Variants in EXT2 observed in about 807,000 individuals in gnomAD.
The protein encoded by EXT2 is exostosin-2.
In EXT2, 53 loss-of-function variants were observed where a neutral mutation model predicts 81.6. The observed-to-expected ratio is 0.65, with a 90% CI of 0.52 to 0.82. EXT2 has a LOEUF of 0.82. Among genes scored for constraint, EXT2 ranks in the 40% least tolerant of loss-of-function variants. The pLI, the probability that EXT2 is intolerant of heterozygous loss-of-function variation, is 0.00. For synonymous variants in EXT2, 320 were observed against 340.0 expected, an observed-to-expected ratio of 0.94 and a Z score of 0.65; for missense variants, 774 against 910.2, an observed-to-expected ratio of 0.85 and a Z score of 1.93.
At chr11:44,227,005 G>T (rs1955844901) in intron 10 of EXT2, among the ~76,000 whole-genome samples, 1 of 152,166 alleles carries the variant, frequency 6.6e-6, no homozygotes, top group African/African-American at 2.4e-5. Flanking sequence ...CTGATACATT[G>T]CTCACCCAGT....
chr11:44,243,136 C>T (rs1445699334), intron 13 of EXT2, among the ~76,000 whole-genome samples: 2 of 152,160 alleles, frequency 1.3e-5, no homozygotes, highest in Non-Finnish European at 2.9e-5. Flanking sequence ...TTGTAGTGCT[C>T]TCAGATGTCC....
intron 4 of EXT2, among the ~76,000 whole-genome samples, chr11:44,123,082 T>C (rs953475837): frequency 3.9e-5 from 6 of 152,162 alleles, no homozygotes; most frequent in Non-Finnish European, 8.8e-5. Context: ...GTTGCTCTTT[T>C]CTCTGGGTTT....
chr11:44,160,690 T>G (rs1415958946), intron 7 of EXT2, among the ~76,000 whole-genome samples: 3 of 152,208 alleles, frequency 2.0e-5, no homozygotes, highest in African/African-American at 7.2e-5. Flanking sequence ...AAGAATAATC[T>G]GGACTGTGAG....
intron 8 of EXT2, among the ~76,000 whole-genome samples, chr11:44,178,634 A>G (rs995099097): frequency 2.0e-5 from 3 of 152,200 alleles, no homozygotes; most frequent in African/African-American, 7.2e-5. Context: ...CGGATGTATG[A>G]AGCAGAACTC....
intron 1 of EXT2, among the ~76,000 whole-genome samples, chr11:44,097,806 A>G (rs1953923259): frequency 6.6e-6 from 1 of 151,660 alleles, no homozygotes; most frequent in Non-Finnish European, 1.5e-5. Flanking sequence ...ATAAAATAAA[A>G]ATAAAAAGGT....
At chr11:44,119,147 T>TATATATATAC (rs1565201186) in intron 4 of EXT2, among the ~76,000 whole-genome samples, 46 of 49,368 alleles carry the variant, frequency 9.3e-4, no homozygotes, top group Middle Eastern at 9.6e-3. Flanking sequence ...TATATATATA[T>TATATATATAC]ATATATATAT....
At chr11:44,225,185 CTTA>C (rs1368466907) in intron 10 of EXT2, among the ~76,000 whole-genome samples, 1 of 152,200 alleles carries the variant, frequency 6.6e-6, no homozygotes, top group East Asian at 1.9e-4. Flanking sequence ...TCCTTCCCTT[CTTA>C]TTATCTCCCA....
intron 7 of EXT2, among the ~76,000 whole-genome samples, chr11:44,165,841 A>G (rs1489920127): frequency 6.6e-6 from 1 of 152,192 alleles, no homozygotes; most frequent in African/African-American, 2.4e-5. Flanking sequence ...GTGATTTTCT[A>G]AAACTTGCTA....
intron 7 of EXT2, among the ~76,000 whole-genome samples, chr11:44,133,318 T>C (rs1954520762): frequency 6.6e-6 from 1 of 152,264 alleles, no homozygotes; most frequent in African/African-American, 2.4e-5. Context: ...TGAAAAGTTC[T>C]TATACCTTAG....
chr11:44,164,721 T>C (rs934215459), intron 7 of EXT2, among the ~76,000 whole-genome samples: 9 of 152,338 alleles, frequency 5.9e-5, no homozygotes, highest in African/African-American at 2.2e-4. Flanking sequence ...ACAAAATCAC[T>C]GTGGAATCTG....
chr11:44,235,014 C>T lies in EXT2; in HGVS notation c.1935+771C>T, dbSNP rs191842500. Among the ~76,000 whole-genome samples the T allele has an allele frequency of 7.5e-4, 114 of 152,196 alleles. 3 individuals are homozygous for T. Among genetic ancestry groups the T allele is most frequent in the Admixed American group, 7.3e-3 (112 of 15,276 alleles). ...CATGGTACAGCATTATCCATTGATT[C>T]CTTATGCTATTAATTGATAAGAGAA... is the stretch of plus-strand genomic sequence containing the variant. On this transcript the variant is annotated intron_variant, in intron 12 of 13. Coordinates refer to ENST00000533608, the MANE Select transcript of EXT2 (RefSeq NM_207122.2).
chr11:44,124,963 C>G lies in EXT2; in HGVS notation c.918C>G (p.Phe306Leu), dbSNP rs35436405. 1 of 1,613,034 alleles carries G rather than the reference C, an allele frequency of 6.2e-7. No individual in the cohort carries two copies. Among genetic ancestry groups the G allele is most frequent in the Non-Finnish European group, 8.5e-7 (1 of 1,180,014 alleles). Residue 306 changes from phenylalanine (F) to leucine (L), a missense_variant, in exon 5 of 14, where the codon TTC becomes TTG. Transcript: ENST00000533608. ...AGCGCTGCCACAAGCACCAGGTCTT[C>G]GATTACCCACAGGTGCTACAGGTGA... ...VRKRCHKHQV[F>L]DYPQVLQEAT...
intron 7 of EXT2, among the ~76,000 whole-genome samples, chr11:44,162,228 C>T (rs1954936674): frequency 6.6e-6 from 1 of 152,160 alleles, no homozygotes; most frequent in African/African-American, 2.4e-5. Flanking sequence ...AACTCTCTGG[C>T]TACTATTGCA....
intron 9 of EXT2, among the ~76,000 whole-genome samples, chr11:44,200,246 T>C (rs907885414): frequency 5.3e-5 from 8 of 151,446 alleles, no homozygotes; most frequent in Admixed American, 1.3e-4. Context: ...AATATTGTGG[T>C]TACCATGTCT....
chr11:44,173,234 C>T (rs1206183063), intron 8 of EXT2, among the ~76,000 whole-genome samples: 1 of 152,070 alleles, frequency 6.6e-6, no homozygotes, highest in Non-Finnish European at 1.5e-5. Flanking sequence ...TCAGTATGTG[C>T]GTATGGTAAA....
At chr11:44,145,856 C>G (rs1954709298) in intron 7 of EXT2, among the ~76,000 whole-genome samples, 1 of 152,308 alleles carries the variant, frequency 6.6e-6, no homozygotes, top group South Asian at 2.1e-4. Context: ...ATACTATACA[C>G]AATTCAGAGC....
chr11:44,185,398 A>G (rs540563241), intron 8 of EXT2, among the ~76,000 whole-genome samples: 2 of 152,172 alleles, frequency 1.3e-5, no homozygotes, highest in South Asian at 2.1e-4. Flanking sequence ...CTACATTTCT[A>G]TGTTTTATAG....
intron 4 of EXT2, chr11:44,116,070 T>G (rs1428101057): frequency 1.3e-5 from 2 of 152,188 alleles, no homozygotes; most frequent in African/African-American, 4.8e-5. Flanking sequence ...AATTTAACGG[T>G]TTTTAGTATA....
At chr11:44,139,862 A>G (rs895207147) in intron 7 of EXT2, among the ~76,000 whole-genome samples, 2 of 152,148 alleles carry the variant, frequency 1.3e-5, no homozygotes, top group Admixed American at 6.5e-5. Flanking sequence ...TGACAGCTAT[A>G]TGGGCCTTTC....
Sources: allele counts gnomAD v4.1 joint callset (sites outside exome capture counted in the v4.1 genomes callset), GRCh38; gene constraint gnomAD v4.1.1; transcripts MANE v1.5; gene names NCBI Gene and HGNC (gene_info 2026-07-23, HGNC 2026-07-21).